RTN4: variants seen among roughly 807,000 people sequenced by gnomAD.
The protein encoded by RTN4 is reticulon-4.
Under a neutral mutation model 90.4 loss-of-function variants are expected in RTN4, and 32 were observed. The ratio of observed to expected loss-of-function variants is 0.35; its 90% confidence interval spans 0.27 to 0.48. The LOEUF (loss-of-function observed/expected upper bound fraction) is 0.48, where lower values mean the gene tolerates loss of function less well. Ranked by LOEUF, RTN4 falls within the 20% of genes least tolerant of loss-of-function variation. The pLI is 0.99. For synonymous variants in RTN4, 629 were observed against 552.5 expected, an observed-to-expected ratio of 1.14 and a Z score of -1.94; for missense variants, 1,706 against 1,430.2, an observed-to-expected ratio of 1.19 and a Z score of -3.11.
intron 3 of RTN4, among the ~76,000 whole-genome samples, chr2:55,022,186 T>C (rs1681490492): frequency 6.6e-6 from 1 of 152,210 alleles, no homozygotes. Context: ...CTTTAAGTTT[T>C]GGGAGGAAGC....
At chr2:55,010,028 T>C (rs1047661431) in intron 3 of RTN4, 91 of 1,560,408 alleles carry the variant, frequency 5.8e-5, no homozygotes, top group Non-Finnish European at 6.9e-5. Flanking sequence ...AGCTTATTCA[T>C]AGAAATATAT....
At chr2:54,990,975 G>C (rs980844428) in intron 3 of RTN4, among the ~76,000 whole-genome samples, 31 of 151,762 alleles carry the variant, frequency 2.0e-4, no homozygotes, top group African/African-American at 7.0e-4. Flanking sequence ...GTAGAGACGG[G>C]GTTTCACCGT....
At chr2:55,123,192 C>A in the RTN4 span, among the ~76,000 whole-genome samples, 1 of 152,130 alleles carries the variant, frequency 6.6e-6, no homozygotes, top group Non-Finnish European at 1.5e-5. Context: ...CATAAATAGG[C>A]ATTTTTAACT....
chr2:55,008,601 CA>C (rs1454644371), intron 3 of RTN4, among the ~76,000 whole-genome samples: 1 of 152,034 alleles, frequency 6.6e-6, no homozygotes, highest in Non-Finnish European at 1.5e-5. Context: ...GGAGTAAATT[CA>C]ATTTTACATT....
At chr2:55,017,769 G>C (rs554139024) in intron 3 of RTN4, among the ~76,000 whole-genome samples, 1 of 152,272 alleles carries the variant, frequency 6.6e-6, no homozygotes, top group South Asian at 2.1e-4. Context: ...TGTTACCCTA[G>C]TTCCAATATC....
At chr2:55,028,139 TA>T in intron 2 of RTN4, 24 bp downstream of exon 2, 2 of 1,605,768 alleles carry the variant, frequency 1.2e-6, no homozygotes, top group South Asian at 1.1e-5. Context: ...ACAGAGAGGA[TA>T]AAAGGCTGGC....
At chr2:54,997,423 G>A (rs368746102) in intron 3 of RTN4, among the ~76,000 whole-genome samples, 53 of 152,270 alleles carry the variant, frequency 3.5e-4, no homozygotes, top group African/African-American at 1.3e-3. Flanking sequence ...GTAAAATTCA[G>A]CCACTGTGAA....
rs201239793 is a variant in RTN4 at position 55,026,644 on chromosome 2, A to G, written c.1455T>C (p.Asp485=). ...CATCGGTCTTATTTTCTGAAGTAGG[A>G]TCTCCTAACAAAGGAAAAATGTTTG... ...IATNIFPLLG[D]PTSENKTDEK... The change falls in exon 3 of 9, where the codon GAT becomes GAC. Residue 485 remains aspartate, a synonymous_variant. Transcript: ENST00000337526. 6.2e-7 allele frequency: 1 copy of G among 1,612,706 alleles called. No individual in the cohort carries two copies. The highest frequency in any genetic ancestry group is 1.3e-5 in the African/African-American group (1 of 74,828).
chr2:55,008,773 A>G (rs1268368537), intron 3 of RTN4, among the ~76,000 whole-genome samples: 1 of 152,168 alleles, frequency 6.6e-6, no homozygotes, highest in East Asian at 1.9e-4. Context: ...AAGAACCTTA[A>G]TAGTTGCAGA....
the RTN4 span, among the ~76,000 whole-genome samples, chr2:55,128,801 A>G: frequency 1.3e-5 from 2 of 150,494 alleles, no homozygotes; most frequent in Non-Finnish European, 3.0e-5. Context: ...AGAAAAAAGA[A>G]AAAAAAAAAG....
intron 1 of RTN4, among the ~76,000 whole-genome samples, chr2:55,090,059 A>G (rs1290859916): frequency 6.6e-6 from 1 of 152,206 alleles, no homozygotes; most frequent in Non-Finnish European, 1.5e-5. Context: ...TTATTTAATG[A>G]AAGTCTTTTT....
chr2:55,121,524 C>A, the RTN4 span, among the ~76,000 whole-genome samples: 1 of 152,228 alleles, frequency 6.6e-6, no homozygotes, highest in Non-Finnish European at 1.5e-5. Flanking sequence ...TATTACCAGT[C>A]TGTTGAACAG....
At chr2:55,106,317 T>A (rs1184028588) in intron 1 of RTN4, among the ~76,000 whole-genome samples, 1 of 151,304 alleles carries the variant, frequency 6.6e-6, no homozygotes, top group Admixed American at 6.6e-5. Context: ...CCCCATAGCT[T>A]TTCCTTCTTT....
At chr2:55,080,815 C>T (rs1031683678) in intron 1 of RTN4, among the ~76,000 whole-genome samples, 8 of 152,128 alleles carry the variant, frequency 5.3e-5, no homozygotes, top group Non-Finnish European at 1.2e-4. Context: ...AATACATATC[C>T]ACAAACTGTC....
intron 5 of RTN4, among the ~76,000 whole-genome samples, chr2:54,981,268 G>A (rs749097949): frequency 4.6e-5 from 7 of 151,062 alleles, no homozygotes; most frequent in Non-Finnish European, 8.8e-5. Flanking sequence ...AGGTTATAAA[G>A]GCTAAAATGT....
upstream of RTN4, among the ~76,000 whole-genome samples, chr2:55,115,326 C>T (rs928678253): frequency 2.6e-5 from 4 of 152,164 alleles, no homozygotes; most frequent in African/African-American, 7.2e-5. Context: ...CTCCTGGTCC[C>T]CTTCCTTCAT....
At chr2:55,127,686 T>G in the RTN4 span, among the ~76,000 whole-genome samples, 40 of 152,356 alleles carry the variant, frequency 2.6e-4, no homozygotes, top group Non-Finnish European at 5.1e-4. Context: ...CACAGTTTCA[T>G]AGCTGCCAAA....
intron 2 of RTN4, among the ~76,000 whole-genome samples, chr2:55,066,185 GTGTGTGTT>G (rs1195074871): frequency 3.3e-4 from 33 of 100,602 alleles, no homozygotes; most frequent in African/African-American, 1.1e-3. Flanking sequence ...GTGTGTGTGT[GTGTGTGTT>G]TGTGTGTGTG....
the RTN4 span, among the ~76,000 whole-genome samples, chr2:55,132,168 AT>A: frequency 6.6e-6 from 1 of 152,212 alleles, no homozygotes; most frequent in Non-Finnish European, 1.5e-5. Flanking sequence ...TGATGGGAAT[AT>A]GGGGATTCAT....
Sources: gnomAD v4.1 joint callset for allele counts (sites outside exome capture counted in the v4.1 genomes callset) on GRCh38, gnomAD v4.1.1 for gene constraint, MANE v1.5 for transcripts, NCBI Gene and HGNC (gene_info 2026-07-23, HGNC 2026-07-21) for gene names.